Variants in SGCZ observed in about 807,000 individuals in gnomAD.
SGCZ encodes zeta-sarcoglycan.
Under a neutral mutation model 41.3 loss-of-function variants are expected in SGCZ, and 40 were observed. That is an observed-to-expected ratio of 0.97 (90% CI 0.75 to 1.26). The LOEUF (loss-of-function observed/expected upper bound fraction) is 1.26. SGCZ is among the 50% of genes most tolerant of loss of function. The pLI is 0.00. For missense variants in SGCZ, 552 were observed against 369.8 expected (o/e 1.49, Z -4.04); for synonymous variants, 206 against 137.5 (o/e 1.50, Z -3.49).
intron 1 of SGCZ, among the ~76,000 whole-genome samples, chr8:15,119,900 C>T (rs1272793271): frequency 6.6e-6 from 1 of 152,204 alleles, no homozygotes; most frequent in Non-Finnish European, 1.5e-5. Context: ...GCCTCGAACT[C>T]CTGAGCTCAA....
chr8:15,084,828 G>C (rs112333484), intron 1 of SGCZ, among the ~76,000 whole-genome samples: 16 of 152,132 alleles, frequency 1.1e-4, no homozygotes, highest in African/African-American at 2.9e-4. Context: ...TTGGCTACTG[G>C]ACTCTCATAT....
intron 1 of SGCZ, among the ~76,000 whole-genome samples, chr8:14,900,072 T>C (rs1179987855): frequency 2.0e-5 from 3 of 152,104 alleles, no homozygotes; most frequent in Non-Finnish European, 4.4e-5. Context: ...ATTTTATAAA[T>C]ATAATAAACT....
intron 1 of SGCZ, among the ~76,000 whole-genome samples, chr8:15,018,156 A>G (rs1172678855): frequency 6.6e-6 from 1 of 152,208 alleles, no homozygotes; most frequent in African/African-American, 2.4e-5. Flanking sequence ...GCCACCCCCC[A>G]GCACAAAACC....
intron 5 of SGCZ, among the ~76,000 whole-genome samples, chr8:14,109,223 T>C (rs930754520): frequency 6.6e-6 from 1 of 152,236 alleles, no homozygotes; most frequent in South Asian, 2.1e-4. Flanking sequence ...GGTCATATAC[T>C]CTAACACTTT....
intron 1 of SGCZ, among the ~76,000 whole-genome samples, chr8:15,147,034 G>A (rs959484922): frequency 6.6e-6 from 1 of 152,068 alleles, no homozygotes; most frequent in African/African-American, 2.4e-5. Flanking sequence ...AATAAACTTG[G>A]TCTAGGTCAT....
intron 2 of SGCZ, among the ~76,000 whole-genome samples, chr8:14,396,344 A>C (rs1451200408): frequency 6.9e-6 from 1 of 145,664 alleles, no homozygotes; most frequent in Non-Finnish European, 1.5e-5. Context: ...TATTGCCACT[A>C]ATATTTGATA....
At chr8:14,130,065 C>T (rs1451428423) in intron 5 of SGCZ, among the ~76,000 whole-genome samples, 1 of 152,104 alleles carries the variant, frequency 6.6e-6, no homozygotes, top group African/African-American at 2.4e-5. Flanking sequence ...CTCACAGTTT[C>T]TGATTATAAA....
chr8:14,607,626 T>C (rs1008326202), intron 1 of SGCZ, among the ~76,000 whole-genome samples: 5 of 152,210 alleles, frequency 3.3e-5, no homozygotes, highest in African/African-American at 1.2e-4. Flanking sequence ...AGACTGTGAG[T>C]GCGAGCAAAA....
At chr8:14,099,340 G>A (rs1346521089) in intron 7 of SGCZ, among the ~76,000 whole-genome samples, 1 of 152,142 alleles carries the variant, frequency 6.6e-6, no homozygotes, top group Non-Finnish European at 1.5e-5. Flanking sequence ...ACATCCCTGA[G>A]CTCTTAAGTC....
At chr8:15,225,962 T>A (rs1801757419) in intron 1 of SGCZ, among the ~76,000 whole-genome samples, 1 of 151,982 alleles carries the variant, frequency 6.6e-6, no homozygotes, top group Non-Finnish European at 1.5e-5. Flanking sequence ...ATTGCCTTAC[T>A]CTTACTAGTC....
At chr8:15,035,154 T>C (rs1803828732) in intron 1 of SGCZ, among the ~76,000 whole-genome samples, 1 of 152,042 alleles carries the variant, frequency 6.6e-6, no homozygotes, top group African/African-American at 2.4e-5. Flanking sequence ...AATAACTTGC[T>C]AGGGGAAACA....
At chr8:15,234,799 T>C (rs976928455) in intron 1 of SGCZ, among the ~76,000 whole-genome samples, 1 of 152,098 alleles carries the variant, frequency 6.6e-6, no homozygotes, top group Non-Finnish European at 1.5e-5. Context: ...AAAGAGAAAA[T>C]AGTTTATCCC....
intron 1 of SGCZ, among the ~76,000 whole-genome samples, chr8:14,963,602 C>G (rs1174974767): frequency 6.6e-6 from 1 of 152,126 alleles, no homozygotes; most frequent in East Asian, 1.9e-4. Context: ...CCCGCCTCAG[C>G]CTCTCAAAGT....
chr8:15,105,231 T>C (rs545011766), intron 1 of SGCZ, among the ~76,000 whole-genome samples: 2 of 152,326 alleles, frequency 1.3e-5, no homozygotes, highest in East Asian at 1.9e-4. Context: ...TGCATATTAA[T>C]AGATCAAATA....
chr8:15,079,799 T>C (rs1006804883), intron 1 of SGCZ, among the ~76,000 whole-genome samples: 7 of 152,316 alleles, frequency 4.6e-5, no homozygotes, highest in African/African-American at 1.7e-4. Context: ...TGTGTGACAC[T>C]GAGGTTTGGG....
At chr8:14,687,882 T>C (rs892777927) in intron 1 of SGCZ, among the ~76,000 whole-genome samples, 20 of 152,208 alleles carry the variant, frequency 1.3e-4, no homozygotes, top group African/African-American at 3.4e-4. Flanking sequence ...TTAATGATTG[T>C]CATTCTAACT....
chr8:14,926,262 TA>T (rs1563367919), intron 1 of SGCZ, among the ~76,000 whole-genome samples: 3 of 152,080 alleles, frequency 2.0e-5, no homozygotes, highest in Admixed American at 6.6e-5. Context: ...AAAATAAGCA[TA>T]AAAAATAATA....
intron 3 of SGCZ, among the ~76,000 whole-genome samples, chr8:14,301,702 A>G (rs1211732123): frequency 6.6e-6 from 1 of 152,154 alleles, no homozygotes; most frequent in African/African-American, 2.4e-5. Context: ...CAAAAGGTAG[A>G]AAAAGGGGAA....
At chr8:14,147,485 G>A (rs1455979928) in intron 5 of SGCZ, among the ~76,000 whole-genome samples, 1 of 152,106 alleles carries the variant, frequency 6.6e-6, no homozygotes, top group Non-Finnish European at 1.5e-5. Context: ...CATATATAAT[G>A]ACAAAGGTAT....
Sources: allele counts gnomAD v4.1 joint callset (sites outside exome capture counted in the v4.1 genomes callset), GRCh38; gene constraint gnomAD v4.1.1; transcripts MANE v1.5; gene names NCBI Gene and HGNC (gene_info 2026-07-23, HGNC 2026-07-21).